Variants in KCNIP3 observed in about 807,000 individuals in gnomAD.
KCNIP3 encodes calsenilin.
KCNIP3 carries 28 observed loss-of-function variants against 35.0 expected under a neutral mutation model. The ratio of observed to expected loss-of-function variants is 0.80; its 90% CI spans 0.59 to 1.10. The LOEUF is 1.10. Ranked by LOEUF, KCNIP3 falls within the 50% of genes least tolerant of loss-of-function variation. The pLI is 0.00. For synonymous variants in KCNIP3, 134 were observed against 133.8 expected, an observed-to-expected ratio of 1.00 and a Z score of -0.01; for missense variants, 295 against 338.4, an observed-to-expected ratio of 0.87 and a Z score of 1.01.
intron 2 of KCNIP3, among the ~76,000 whole-genome samples, chr2:95,359,069 C>G (rs1344263044): frequency 6.6e-6 from 1 of 152,134 alleles, no homozygotes; most frequent in East Asian, 1.9e-4. Context: ...GACAAACATT[C>G]AAACTGTAGC....
chr2:95,362,748 C>T (rs758708237), intron 2 of KCNIP3, among the ~76,000 whole-genome samples: 2 of 152,210 alleles, frequency 1.3e-5, no homozygotes, highest in African/African-American at 2.4e-5. Flanking sequence ...ACCTGCCGCC[C>T]ACCTCCTGCT....
In KCNIP3 at chr2:95,383,908, T is replaced by C. The variant is rs539179346; in HGVS notation, c.724-94T>C. The C allele has an allele frequency of 1.0e-4, 108 of 1,067,090 alleles. No homozygotes were observed. The East Asian group carries it at 2.3e-3, about 23-fold the overall frequency. The allele number at this position is 1,067,090 out of a possible 1,614,324, so 66.1% of individuals were successfully genotyped here. On this transcript the variant is annotated intron_variant, in intron 8 of 8. Coordinates refer to ENST00000295225, the MANE Select transcript of KCNIP3 (RefSeq NM_013434.5). The stretch of plus-strand genomic sequence containing the variant: ...ATAAGACAGACAGACAGGCAGTCGC[T>C]GCAGGCTCCGAGTCCCTGGCGGGAA...
chr2:95,365,299 T>A (rs1464634102), intron 2 of KCNIP3, among the ~76,000 whole-genome samples: 6 of 151,932 alleles, frequency 3.9e-5, no homozygotes, highest in Non-Finnish European at 8.8e-5. Context: ...GTAGCTGGGA[T>A]TACAGGCGTG....
At chr2:95,373,272 T>G (rs889601856) in intron 2 of KCNIP3, among the ~76,000 whole-genome samples, 1 of 152,210 alleles carries the variant, frequency 6.6e-6, no homozygotes, top group African/African-American at 2.4e-5. Flanking sequence ...AGCCCTAGCT[T>G]TATTTTGCAT....
chr2:95,374,269 C>T (rs1680115623), intron 2 of KCNIP3, 27 bp from the exon 3 acceptor site: 6 of 1,610,676 alleles, frequency 3.7e-6, no homozygotes, highest in Middle Eastern at 3.6e-4. Flanking sequence ...ACAGGCCTTA[C>T]ACTCTCTGGT....
intron 2 of KCNIP3, among the ~76,000 whole-genome samples, chr2:95,361,729 A>G (rs1679803606): frequency 6.6e-6 from 1 of 152,124 alleles, no homozygotes; most frequent in Non-Finnish European, 1.5e-5. Context: ...CCTAGGAAAC[A>G]TAGCTGGGAG....
intron 2 of KCNIP3, among the ~76,000 whole-genome samples, chr2:95,359,201 T>C (rs1679730861): frequency 6.6e-6 from 1 of 152,182 alleles, no homozygotes; most frequent in African/African-American, 2.4e-5. Flanking sequence ...GCCCAGAGTC[T>C]CATCTAAATC....
intron 2 of KCNIP3, among the ~76,000 whole-genome samples, chr2:95,352,134 G>C (rs1182686336): frequency 6.6e-6 from 1 of 152,116 alleles, no homozygotes; most frequent in Non-Finnish European, 1.5e-5. Context: ...ATGGTGGCGG[G>C]CGTCTGTAAT....
At chr2:95,301,158 C>A (rs1479841540) in intron 1 of KCNIP3, among the ~76,000 whole-genome samples, 2 of 152,236 alleles carry the variant, frequency 1.3e-5, no homozygotes, top group Non-Finnish European at 2.9e-5. Context: ...CTCTGCCCCA[C>A]TGACTCAGGG....
chr2:95,347,997 A>G (rs1250994443), intron 2 of KCNIP3, among the ~76,000 whole-genome samples: 1 of 152,228 alleles, frequency 6.6e-6, no homozygotes, highest in African/African-American at 2.4e-5. Context: ...AAGTGCCCCA[A>G]GTTCCTGCGA....
intron 2 of KCNIP3, among the ~76,000 whole-genome samples, chr2:95,322,315 T>C (rs1441925811): frequency 1.3e-5 from 2 of 152,116 alleles, no homozygotes; most frequent in Non-Finnish European, 2.9e-5. Flanking sequence ...TGAGCTGTGT[T>C]TGTGCCACTG....
At chr2:95,297,748 G>A (rs1472934663) in intron 1 of KCNIP3, among the ~76,000 whole-genome samples, 4 of 152,032 alleles carry the variant, frequency 2.6e-5, no homozygotes, top group Admixed American at 6.6e-5. Flanking sequence ...AAGTGTTTGC[G>A]GAAGAAAAGC....
chr2:95,334,754 G>A lies in KCNIP3; in HGVS notation c.181+24234G>A, dbSNP rs547922867. On this transcript the variant is annotated intron_variant, in intron 2 of 8. Transcript: ENST00000295225. ...GGAACCTTTCATCACTGGGGACCAG[G>A]AAGCAGGGTGAGGGGCTCACAGGAC... Among the ~76,000 whole-genome samples, 13 of 152,342 alleles carry A rather than the reference G, an allele frequency of 8.5e-5. No individual in the cohort carries two copies. The East Asian group carries it at 2.5e-3, about 29-fold the overall frequency.
intron 2 of KCNIP3, among the ~76,000 whole-genome samples, chr2:95,352,416 G>A (rs961329904): frequency 1.1e-4 from 17 of 152,072 alleles, no homozygotes; most frequent in Non-Finnish European, 1.8e-4. Flanking sequence ...TGGGGAGGGC[G>A]GGAGTGACCC....
At chr2:95,326,865 C>A (rs924286876) in intron 2 of KCNIP3, among the ~76,000 whole-genome samples, 1 of 152,250 alleles carries the variant, frequency 6.6e-6, no homozygotes, top group South Asian at 2.1e-4. Flanking sequence ...GAACTCCCCT[C>A]GCCCTGCCCT....
At chr2:95,316,559 T>C (rs528992646) in intron 2 of KCNIP3, among the ~76,000 whole-genome samples, 1 of 152,184 alleles carries the variant, frequency 6.6e-6, no homozygotes, top group Non-Finnish European at 1.5e-5. Context: ...ACTGTGGCAA[T>C]GTGGTTGCTT....
At chr2:95,331,114 A>T (rs1311563866) in intron 2 of KCNIP3, among the ~76,000 whole-genome samples, 1 of 151,854 alleles carries the variant, frequency 6.6e-6, no homozygotes, top group Non-Finnish European at 1.5e-5. Context: ...CCTGCTGATG[A>T]GGGGTGGAGG....
At position 95,314,089 on chromosome 2, in the gene KCNIP3, A is replaced by AT. The variant is rs1323943885; in HGVS notation, c.181+3571dup. On this transcript the variant is annotated intron_variant, in intron 2 of 8. Transcript: ENST00000295225. ...GCCGATGCATCCCAGGGAGATGCTC[A>AT]TTCTCCCCGGGGTGCCATGGCAACC... Among the ~76,000 whole-genome samples, 7 of 152,090 alleles carry AT rather than the reference A, an allele frequency of 4.6e-5. No homozygotes were observed. The East Asian group carries it at 1.3e-3, about 29-fold the overall frequency.
At chr2:95,337,919 C>T (rs1679098658) in intron 2 of KCNIP3, among the ~76,000 whole-genome samples, 1 of 152,154 alleles carries the variant, frequency 6.6e-6, no homozygotes, top group African/African-American at 2.4e-5. Context: ...GGACTGGGGC[C>T]AAGAAAGTCC....
Sources: gnomAD v4.1 joint callset for allele counts (sites outside exome capture counted in the v4.1 genomes callset) on GRCh38, gnomAD v4.1.1 for gene constraint, MANE v1.5 for transcripts, NCBI Gene and HGNC (gene_info 2026-07-23, HGNC 2026-07-21) for gene names.